ADAR: variants seen among roughly 807,000 people sequenced by gnomAD.
The protein encoded by ADAR is adenosine deaminase RNA specific.
In ADAR, 41 loss-of-function variants were observed where a neutral mutation model predicts 113.2. The ratio of observed to expected loss-of-function variants is 0.36; its 90% CI spans 0.28 to 0.47. The LOEUF is 0.47. Ranked by LOEUF, ADAR falls within the 20% of genes least tolerant of loss-of-function variation. The probability of loss-of-function intolerance (pLI) is 1.00; values close to 1 mark genes in which losing one functional copy is unlikely to be tolerated. For missense variants in ADAR, 1,242 were observed against 1,540.9 expected, an observed-to-expected ratio of 0.81 and a Z score of 3.25; for synonymous variants, 605 against 572.6, an observed-to-expected ratio of 1.06 and a Z score of -0.81.
chr1:154,590,596 C>T (rs1697079403), intron 6 of ADAR, among the ~76,000 whole-genome samples, 187 bp from the exon 7 acceptor site: 1 of 152,050 alleles, frequency 6.6e-6, no homozygotes, highest in Non-Finnish European at 1.5e-5. Flanking sequence ...TGTGCCACAT[C>T]CAGGTATTAC....
Position 154,597,953 on chromosome 1 carries a change from G to A in ADAR, c.1809C>T (p.Thr603=). Residue 603 remains threonine, a synonymous_variant, in exon 4 of 15, where the codon ACC becomes ACT. Transcript: ENST00000368474. ...SEKTAESQTP[T]PSATSFFSGK... is the part of the protein sequence containing the mutation. ...CAGAAAAGAAGGATGTGGCTGAAGG[G>A]GTGGGGGTCTGGGACTCTGCAGTCT... 6.2e-7 allele frequency: 1 copy of A among 1,614,106 alleles called. No individual in the cohort carries two copies.
chr1:154,616,970 A>G (rs1463755757), intron 1 of ADAR, among the ~76,000 whole-genome samples: 2 of 152,220 alleles, frequency 1.3e-5, no homozygotes, highest in Non-Finnish European at 2.9e-5. Context: ...GAACTTTCCA[A>G]TATGGAATAC....
chr1:154,601,757 G>A lies in ADAR; in HGVS notation c.885C>T (p.Asp295=), dbSNP rs368050952. Residue 295 remains aspartate (D), a synonymous_variant, in exon 2 of 15, where the codon GAC becomes GAT. Coordinates refer to ENST00000368474, the MANE Select transcript of ADAR (RefSeq NM_001111.5). The surrounding 1 kb of genome is among the most constrained non-coding windows in gnomAD (Gnocchi z 4.7). ...AGATTTTCTCCTTGATCTCGGCCAT[G>A]TCTAAAAACTCAAGAGGATCTTCCA... ...SALEDPLEFL[D]MAEIKEKICD... 6 of 1,614,120 alleles carry A rather than the reference G, an allele frequency of 3.7e-6. No individual in the cohort carries two copies. The highest frequency in any genetic ancestry group is 5.1e-6 in the Non-Finnish European group (6 of 1,180,050).
chr1:154,584,583 C>T lies in ADAR; in HGVS notation c.*223G>A. The T allele has an allele frequency of 1.8e-6, 1 of 564,962 alleles. No individual in the cohort carries two copies. 35.0% of individuals were successfully genotyped at this position (564,962 alleles called of 1,614,324 possible). On this transcript the variant is annotated 3_prime_UTR_variant, in exon 15 of 15. Coordinates refer to ENST00000368474, the MANE Select transcript of ADAR (RefSeq NM_001111.5). Reference sequence around the variant, plus strand: ...AAGATAACTTCTTAGGTTTCTGCCTCTTCACTTGGGGGAAAAAAGGGGGGC... The same window carrying T: ...AAGATAACTTCTTAGGTTTCTGCCTTTTCACTTGGGGGAAAAAAGGGGGGC...
upstream of ADAR, among the ~76,000 whole-genome samples, chr1:154,613,086 C>T (rs1447893175): frequency 6.6e-6 from 1 of 152,032 alleles, no homozygotes; most frequent in Non-Finnish European, 1.5e-5. Flanking sequence ...GTTGGGATTA[C>T]AGGTGTGAGC....
chr1:154,585,049 G>A lies in ADAR; in HGVS notation c.3444-6C>T. On this transcript the variant is annotated splice_region_variant and splice_polypyrimidine_tract_variant and intron_variant, in intron 14 of 14. Transcript: ENST00000368474. ...GGGACAATTCATTCCGTGGCCTAGA[G>A]AAACAAAAGCACTCATTATTCACCT... 1 of 1,613,574 alleles carries A rather than the reference G, an allele frequency of 6.2e-7. No homozygotes were observed. Among genetic ancestry groups the A allele is most frequent in the Non-Finnish European group, 8.5e-7 (1 of 1,179,822 alleles).
At chr1:154,616,074 AG>A (rs34323454) in intron 1 of ADAR, among the ~76,000 whole-genome samples, 5 of 151,960 alleles carry the variant, frequency 3.3e-5, no homozygotes, top group Non-Finnish European at 2.9e-5. Flanking sequence ...TTAAGGGGGG[AG>A]GGGGAACACA....
chr1:154,616,614 C>T (rs1698641544), intron 1 of ADAR, among the ~76,000 whole-genome samples: 1 of 152,172 alleles, frequency 6.6e-6, no homozygotes, highest in Non-Finnish European at 1.5e-5. Context: ...CATATTTACA[C>T]TTGTAATTTT....
At chr1:154,615,555 A>T (rs1167729399) in intron 1 of ADAR, among the ~76,000 whole-genome samples, 1 of 151,930 alleles carries the variant, frequency 6.6e-6, no homozygotes, top group Non-Finnish European at 1.5e-5. Flanking sequence ...GACTACAGGC[A>T]CATACCACCA....
At chr1:154,586,869 G>C (rs1696799301) in intron 11 of ADAR, among the ~76,000 whole-genome samples, 1 of 152,124 alleles carries the variant, frequency 6.6e-6, no homozygotes, top group African/African-American at 2.4e-5. Flanking sequence ...GCGAGGGATG[G>C]GGAAAGTGGC....
At chr1:154,597,060 G>T in intron 5 of ADAR, 63 bp downstream of exon 5, 3 of 1,613,970 alleles carry the variant, frequency 1.9e-6, no homozygotes, top group South Asian at 2.2e-5. Context: ...GGAGTCACTG[G>T]CAATCTTAAA....
chr1:154,602,065 G>C lies in ADAR; in HGVS notation c.577C>G (p.Pro193Ala), dbSNP rs145588689. ...GTGGAGACCGCGATTTTCCACAAAG[G>C]GGGTGTTCCTGCCTCTTTCTGTAGC... is the stretch of plus-strand genomic sequence containing the variant. ...GKLQKEAGTP[P>A]LWKIAVSTQA... The change falls in exon 2 of 15, where the codon CCT becomes GCT. Residue 193 changes from proline to alanine, a missense_variant. This residue lies in a region of ADAR where 462 missense variants were observed against 483.1 expected (regional missense o/e 0.96). Coordinates refer to ENST00000368474, the MANE Select transcript of ADAR (RefSeq NM_001111.5). The C allele has an allele frequency of 3.2e-3, 5,099 of 1,614,176 alleles. 6 individuals carry two copies. The highest frequency in any genetic ancestry group is 3.9e-3 in the Non-Finnish European group (4,553 of 1,180,016).
Position 154,585,962 on chromosome 1 carries a change from T to A in ADAR, c.3203-97A>T, listed in dbSNP as rs1696731661. 10 of 1,285,532 alleles carry A rather than the reference T, an allele frequency of 7.8e-6. No homozygotes were observed. In the South Asian group the frequency reaches 1.1e-4, roughly 15 times the overall value. The allele number at this position is 1,285,532 out of a possible 1,614,324, so 79.6% of individuals were successfully genotyped here. A position where few individuals can be genotyped will look rare whatever the true frequency, so the allele number is the denominator to read the frequency against. On this transcript the variant is annotated intron_variant, in intron 12 of 14. Coordinates refer to ENST00000368474, the MANE Select transcript of ADAR (RefSeq NM_001111.5). ...GGATTTTGGAGGTACAAGATATAGT[T>A]GTCAAGAAAGAGAAACAGCTGCCTT...
intron 10 of ADAR, 98 bp downstream of exon 10, chr1:154,588,453 T>TTGTG (rs1308694989): frequency 1.3e-5 from 21 of 1,560,668 alleles, no homozygotes; most frequent in Non-Finnish European, 1.8e-5. Flanking sequence ...GTGTGGCTTA[T>TTGTG]TGTATCAGGT....
At chr1:154,589,519 G>T in intron 8 of ADAR, 57 bp from the exon 9 acceptor site, 1 of 1,476,370 alleles carries the variant, frequency 6.8e-7, no homozygotes. Flanking sequence ...TGGAAAACAG[G>T]ATGAAGGCTA....
chr1:154,584,529 G>C lies in ADAR; in HGVS notation c.*277C>G. The C allele has an allele frequency of 2.3e-6, 1 of 434,518 alleles. No individual in the cohort carries two copies. The highest frequency in any genetic ancestry group is 4.1e-6 in the Non-Finnish European group (1 of 242,820). The allele number at this position is 434,518 out of a possible 1,614,324, so 26.9% of individuals were successfully genotyped here. On this transcript the variant is annotated 3_prime_UTR_variant, in exon 15 of 15. Coordinates refer to ENST00000368474, the MANE Select transcript of ADAR (RefSeq NM_001111.5). ...AGAGGAAATGGACCGCAGGTGCTCA[G>C]TGACTATGTATGCTTTGGGTAGAAA...
chr1:154,613,703 G>A (rs893582240), intron 1 of ADAR, among the ~76,000 whole-genome samples: 6 of 151,992 alleles, frequency 3.9e-5, no homozygotes, highest in Non-Finnish European at 2.9e-5. Context: ...TCGGGAGTTC[G>A]AGACCCGCCT....
At chr1:154,591,464 A>C (rs1403564013) in intron 6 of ADAR, among the ~76,000 whole-genome samples, 2 of 152,244 alleles carry the variant, frequency 1.3e-5, no homozygotes, top group Non-Finnish European at 2.9e-5. Context: ...TGGCAGGCTT[A>C]AGCTAACTCT....
At chr1:154,606,274 C>T (rs539626110) in intron 1 of ADAR, among the ~76,000 whole-genome samples, 36 of 152,240 alleles carry the variant, frequency 2.4e-4, no homozygotes, top group African/African-American at 7.9e-4. Context: ...TCTCCTGATC[C>T]GCCCTCCTCG....
Sources: gnomAD v4.1 joint callset for allele counts (sites outside exome capture counted in the v4.1 genomes callset) on GRCh38, gnomAD v4.1.1 for gene constraint, gnomAD v4.1.1 regional missense constraint, Gnocchi (gnomAD v3.1) non-coding constraint, MANE v1.5 for transcripts, NCBI Gene and HGNC (gene_info 2026-07-23, HGNC 2026-07-21) for gene names.